TMEM68: variants seen among roughly 807,000 people sequenced by gnomAD.
TMEM68 encodes transmembrane protein 68, also known as DGAT1/2-independent enzyme synthesizing storage lipids.
TMEM68 carries 25 observed loss-of-function variants against 36.9 expected under a neutral mutation model. The observed-to-expected ratio is 0.68, with a 90% CI of 0.49 to 0.95. The LOEUF (loss-of-function observed/expected upper bound fraction) is 0.95. Ranked by LOEUF, TMEM68 falls within the 40% of genes least tolerant of loss-of-function variation. The pLI, the probability that TMEM68 is intolerant of heterozygous loss-of-function variation, is 0.00. For synonymous variants in TMEM68, 131 were observed against 124.4 expected (o/e 1.05, Z -0.35); for missense variants, 333 against 392.0 (o/e 0.85, Z 1.27).
At chr8:55,743,730 A>G (rs1810177742) in intron 6 of TMEM68, 110 bp from the exon 7 acceptor site, 2 of 950,116 alleles carry the variant, frequency 2.1e-6, no homozygotes, top group Non-Finnish European at 3.0e-6. Flanking sequence ...AAAAAGTATC[A>G]CTTCTTGGCA....
chr8:55,769,008 ACT>A (rs1385714223), intron 1 of TMEM68, among the ~76,000 whole-genome samples: 1 of 128,880 alleles, frequency 7.8e-6, no homozygotes, highest in Non-Finnish European at 1.6e-5. Flanking sequence ...AGAGCAAGAG[ACT>A]CTGTCTTTAA....
intron 4 of TMEM68, among the ~76,000 whole-genome samples, chr8:55,754,966 CACACACACACAT>C (rs1393333281): frequency 2.0e-3 from 273 of 139,790 alleles, no homozygotes; most frequent in Middle Eastern, 3.6e-3. Flanking sequence ...CACACACACA[CACACACACACAT>C]AGCCTTTATA....
At position 55,763,069 on chromosome 8, in the gene TMEM68, T is replaced by C. The variant is rs892202190; in HGVS notation, c.-69-41A>G. The C allele has an allele frequency of 2.1e-5, 26 of 1,220,554 alleles. No individual in the cohort carries two copies. In the African/African-American group the frequency reaches 3.7e-4, roughly 17 times the overall value. 75.6% of individuals were successfully genotyped at this position (1,220,554 alleles called of 1,614,324 possible). On this transcript the variant is annotated intron_variant, in intron 2 of 7. Transcript: ENST00000434581. ...AATCCAGTATTATTTTCTCCACAGC[T>C]ATAAAGTTAAATGTTTTACTCTACT...
At chr8:55,756,118 T>C (rs1410772300) in intron 4 of TMEM68, 126 bp downstream of exon 4, 2 of 654,190 alleles carry the variant, frequency 3.1e-6, no homozygotes, top group Non-Finnish European at 4.8e-6. Context: ...TCCAAGAGTG[T>C]TATACACACC....
In TMEM68 at chr8:55,751,131, A is replaced by C; in HGVS notation, c.520T>G (p.Cys174Gly). The stretch of plus-strand genomic sequence containing the variant: ...TTTTCTCTTGGTCCATGTAGAGCAC[A>C]AAACACATCCAGTAATAAACTAAAC... ...PGFSLLLDVF[C>G]ALHGPREKCV... is the part of the protein sequence containing the mutation. The change falls in exon 5 of 8, where the codon TGT becomes GGT. Residue 174 changes from cysteine (C) to glycine (G), a missense_variant. Cys to Gly is a radical substitution (Grantham distance 159). Coordinates refer to ENST00000434581, the MANE Select transcript of TMEM68 (RefSeq NM_001286657.2). The C allele has an allele frequency of 1.2e-6, 2 of 1,609,958 alleles. No individual in the cohort carries two copies. Among genetic ancestry groups the C allele is most frequent in the South Asian group, 1.1e-5 (1 of 90,432 alleles).
chr8:55,758,022 G>A (rs1412891084), intron 3 of TMEM68, among the ~76,000 whole-genome samples: 1 of 152,164 alleles, frequency 6.6e-6, no homozygotes, highest in East Asian at 1.9e-4. Flanking sequence ...GGGGTGTGAG[G>A]AGTCCCCAAG....
At chr8:55,747,359 C>T (rs983987872) in intron 5 of TMEM68, 1 of 151,698 alleles carries the variant, frequency 6.6e-6, no homozygotes, top group African/African-American at 2.4e-5. Flanking sequence ...AAGACTCTGT[C>T]TCAAAAAAAT....
At chr8:55,755,214 G>A (rs1030819542) in intron 4 of TMEM68, among the ~76,000 whole-genome samples, 1 of 150,858 alleles carries the variant, frequency 6.6e-6, no homozygotes, top group Non-Finnish European at 1.5e-5. Flanking sequence ...CATGATAAGA[G>A]ACATGATGTA....
intron 6 of TMEM68, among the ~76,000 whole-genome samples, chr8:55,744,299 A>ATTTT (rs758170217): frequency 2.1e-4 from 4 of 19,174 alleles, no homozygotes; most frequent in African/African-American, 5.1e-4. Flanking sequence ...GACAGACTAA[A>ATTTT]TTTTTTTTTT....
At position 55,739,676 on chromosome 8, in the gene TMEM68, A is replaced by C. The variant is rs900745149; in HGVS notation, c.*456T>G. Reference sequence around the variant, plus strand: ...TGAATTGTTGAGGCACAAAAACATTACGTGACTTGCCCAAGGTCATGAAGG... The same window carrying C: ...TGAATTGTTGAGGCACAAAAACATTCCGTGACTTGCCCAAGGTCATGAAGG... On this transcript the variant is annotated 3_prime_UTR_variant, in exon 8 of 8. Coordinates refer to ENST00000434581, the MANE Select transcript of TMEM68 (RefSeq NM_001286657.2). 6.5e-6 allele frequency: 1 copy of C among 152,688 alleles called. No homozygotes were observed. Among genetic ancestry groups the C allele is most frequent in the African/African-American group, 2.4e-5 (1 of 41,482 alleles). The allele number at this position is 152,688 out of a possible 1,614,324, so 9.5% of individuals were successfully genotyped here. A position where few individuals can be genotyped will look rare whatever the true frequency, so the allele number is the denominator to read the frequency against.
intron 4 of TMEM68, chr8:55,751,677 A>C (rs1264919677): frequency 1.2e-5 from 3 of 240,994 alleles, no homozygotes; most frequent in African/African-American, 2.4e-5. Flanking sequence ...TAAATTTTTA[A>C]AATAGCAAAC....
At chr8:55,769,018 T>TTAAGAAAAAAAAAAAAA (rs1554556017) in intron 1 of TMEM68, among the ~76,000 whole-genome samples, 1 of 82,094 alleles carries the variant, frequency 1.2e-5, no homozygotes, top group Non-Finnish European at 2.4e-5. Context: ...ACTCTGTCTT[T>TTAAGAAAAAAAAAAAAA]AAAAAAAAAA....
At chr8:55,754,769 A>G (rs1426125141) in intron 4 of TMEM68, among the ~76,000 whole-genome samples, 1 of 85,868 alleles carries the variant, frequency 1.2e-5, no homozygotes, top group Non-Finnish European at 2.2e-5. Flanking sequence ...TACATACATT[A>G]TATATTTATA....
intron 1 of TMEM68, among the ~76,000 whole-genome samples, chr8:55,769,223 T>A (rs1811074793): frequency 1.4e-5 from 2 of 140,616 alleles, no homozygotes; most frequent in Admixed American, 1.6e-4. Flanking sequence ...CTTGGGAGGC[T>A]GAGGCACTAG....
chr8:55,749,805 T>C (rs1810380360), intron 5 of TMEM68, among the ~76,000 whole-genome samples: 1 of 152,208 alleles, frequency 6.6e-6, no homozygotes, highest in Non-Finnish European at 1.5e-5. Flanking sequence ...AGATTTCTGT[T>C]TGTTTTTAAA....
chr8:55,767,756 G>A (rs912690300), intron 1 of TMEM68, among the ~76,000 whole-genome samples: 1 of 152,104 alleles, frequency 6.6e-6, no homozygotes, highest in Non-Finnish European at 1.5e-5. Flanking sequence ...TGACCAACAT[G>A]GAGAAACCCC....
intron 7 of TMEM68, among the ~76,000 whole-genome samples, chr8:55,740,851 G>A (rs1366750514): frequency 6.6e-6 from 1 of 152,124 alleles, no homozygotes; most frequent in Non-Finnish European, 1.5e-5. Flanking sequence ...GAGTCATCAT[G>A]AACTATGTAT....
intron 1 of TMEM68, among the ~76,000 whole-genome samples, chr8:55,767,801 G>A (rs904122675): frequency 4.6e-5 from 7 of 152,130 alleles, no homozygotes; most frequent in Admixed American, 4.6e-4. Context: ...GCCGGGCGTG[G>A]TGTCGCACGC....
chr8:55,770,434 C>T (rs76199349), intron 1 of TMEM68, among the ~76,000 whole-genome samples: 3,463 of 152,170 alleles, frequency 0.023, 138 homozygotes, highest in African/African-American at 0.08. Flanking sequence ...CAACAGTTTT[C>T]GAGGCCAAGG....
Sources: allele counts gnomAD v4.1 joint callset (sites outside exome capture counted in the v4.1 genomes callset), GRCh38; gene constraint gnomAD v4.1.1; transcripts MANE v1.5; gene names NCBI Gene and HGNC (gene_info 2026-07-23, HGNC 2026-07-21).